Variants in ZNF569 observed in about 807,000 individuals in gnomAD.
ZNF569 encodes DNA-binding protein.
Under a neutral mutation model 56.3 loss-of-function variants are expected in ZNF569, and 38 were observed. The ratio of observed to expected loss-of-function variants is 0.68; its 90% CI spans 0.52 to 0.88. The LOEUF (loss-of-function observed/expected upper bound fraction) is 0.88, where lower values mean the gene tolerates loss of function less well. Among genes scored for constraint, ZNF569 ranks in the 40% least tolerant of loss-of-function variants. The pLI is 0.00. For synonymous variants in ZNF569, 241 were observed against 262.9 expected (o/e 0.92, Z 0.81); for missense variants, 666 against 809.2 (o/e 0.82, Z 2.15).
intron 2 of ZNF569, among the ~76,000 whole-genome samples, chr19:37,450,489 G>C (rs2041574254): frequency 6.6e-6 from 1 of 152,118 alleles, no homozygotes; most frequent in South Asian, 2.1e-4. Context: ...TGTGGCATCA[G>C]TTGTATTGTC....
intron 2 of ZNF569, among the ~76,000 whole-genome samples, chr19:37,458,209 G>C (rs553528205): frequency 6.6e-5 from 10 of 152,228 alleles, no homozygotes; most frequent in South Asian, 2.1e-4. Context: ...TTTTTAAAAA[G>C]TGTATTTTAT....
chr19:37,451,998 T>C (rs936148605), intron 2 of ZNF569, among the ~76,000 whole-genome samples: 1 of 152,230 alleles, frequency 6.6e-6, no homozygotes, highest in Admixed American at 6.5e-5. Flanking sequence ...TCTTCCTTCA[T>C]CTCTTCTCTC....
At chr19:37,458,444 C>G (rs186194127) in intron 2 of ZNF569, among the ~76,000 whole-genome samples, 290 of 152,342 alleles carry the variant, frequency 1.9e-3, no homozygotes, top group African/African-American at 6.7e-3. Flanking sequence ...AAAACTATCT[C>G]TTGATTGCTG....
intron 2 of ZNF569, among the ~76,000 whole-genome samples, chr19:37,447,348 T>C (rs977259347): frequency 6.6e-6 from 1 of 152,100 alleles, no homozygotes; most frequent in Non-Finnish European, 1.5e-5. Flanking sequence ...AGCCTATATA[T>C]AAAAAGGAAC....
chr19:37,419,281 C>T (rs189446991), intron 5 of ZNF569, among the ~76,000 whole-genome samples: 12 of 152,000 alleles, frequency 7.9e-5, no homozygotes, highest in Admixed American at 4.6e-4. Flanking sequence ...TATATTACAA[C>T]GAATATACAA....
At chr19:37,459,598 A>G (rs2041726547) in intron 2 of ZNF569, among the ~76,000 whole-genome samples, 1 of 152,224 alleles carries the variant, frequency 6.6e-6, no homozygotes, top group South Asian at 2.1e-4. Flanking sequence ...GAAAAACAAT[A>G]TAGGTCAGAA....
At chr19:37,461,981 T>C (rs2041764061) in intron 2 of ZNF569, among the ~76,000 whole-genome samples, 1 of 152,212 alleles carries the variant, frequency 6.6e-6, no homozygotes, top group Admixed American at 6.5e-5. Context: ...AGTGGGTCTT[T>C]GATGGTGCCT....
chr19:37,431,871 T>C (rs979740074), intron 3 of ZNF569, among the ~76,000 whole-genome samples: 2 of 152,100 alleles, frequency 1.3e-5, no homozygotes, highest in Admixed American at 6.5e-5. Context: ...GGGCCTGGAA[T>C]GAACACTGGC....
chr19:37,434,805 G>A (rs2146913879), intron 3 of ZNF569, among the ~76,000 whole-genome samples: 1 of 152,102 alleles, frequency 6.6e-6, no homozygotes, highest in East Asian at 1.9e-4. Flanking sequence ...CCCCACCCTT[G>A]AGAATGTACT....
intron 2 of ZNF569, among the ~76,000 whole-genome samples, chr19:37,449,112 T>C (rs2041549748): frequency 6.6e-6 from 1 of 152,220 alleles, no homozygotes; most frequent in Non-Finnish European, 1.5e-5. Flanking sequence ...CATTTTGAAA[T>C]ATTTGGAGAT....
chr19:37,412,969 T>C lies in ZNF569; in HGVS notation c.1689A>G (p.Ser563=), dbSNP rs772699749. 3.1e-6 allele frequency: 5 copies of C among 1,613,740 alleles called. No individual in the cohort carries two copies. In the Admixed American group the frequency reaches 6.7e-5, roughly 22 times the overall value. ...DKCGKAFSQC[S]LLNLHMRSHT... is the part of the protein sequence containing the mutation. ...GACTTCTCATATGTAAATTAAGCAG[T>C]GAGCACTGAGAGAAGGCTTTACCAC... Residue 563 remains serine (S), a synonymous_variant, in exon 6 of 6, where the codon TCA becomes TCG. Transcript: ENST00000316950.
intron 2 of ZNF569, among the ~76,000 whole-genome samples, chr19:37,457,343 C>A (rs901908494): frequency 6.6e-6 from 1 of 152,084 alleles, no homozygotes; most frequent in Non-Finnish European, 1.5e-5. Flanking sequence ...AAGTAACACT[C>A]CCCTGTTTAA....
chr19:37,425,305 C>T (rs1167068355), intron 5 of ZNF569, among the ~76,000 whole-genome samples: 2 of 150,544 alleles, frequency 1.3e-5, no homozygotes, highest in African/African-American at 4.9e-5. Context: ...GCGTATGCCA[C>T]CACACGTGGC....
In ZNF569 at chr19:37,463,335, C is replaced by G. The variant is rs778846609; in HGVS notation, c.-44+1978G>C. Among the ~76,000 whole-genome samples, 44 of 152,292 alleles carry G rather than the reference C, an allele frequency of 2.9e-4. 1 individual carries two copies. The highest frequency in any genetic ancestry group is 5.2e-4 in the Admixed American group (8 of 15,296). ...CTAAAAAATTCCTATCACCTAGTGA[C>G]ATCATAGCCATCATAACATCGTAAC... is the stretch of plus-strand genomic sequence containing the variant. On this transcript the variant is annotated intron_variant, in intron 2 of 5. Transcript: ENST00000316950.
intron 2 of ZNF569, among the ~76,000 whole-genome samples, chr19:37,458,831 T>C (rs948983152): frequency 6.6e-6 from 1 of 152,168 alleles, no homozygotes; most frequent in Non-Finnish European, 1.5e-5. Flanking sequence ...ATGCGAACTA[T>C]AAGAAAGAAT....
Position 37,413,817 on chromosome 19 carries a change from G to A in ZNF569, c.841C>T (p.Gln281Ter). Residue 281 changes from glutamine to a stop codon, truncating the protein, a stop_gained, in exon 6 of 6, where the codon CAG becomes TAG. Transcript: ENST00000316950. LOFTEE classifies it high-confidence loss of function. ...TCATGATCAATAAGATTTGATTTCTGGCTGAAGGACTTCTCACATTCCTTA... is the reference window on the plus strand; with the variant it reads ...TCATGATCAATAAGATTTGATTTCTAGCTGAAGGACTTCTCACATTCCTTA... The part of the protein sequence containing the change: ...ACKECEKSFS[Q>*]KSNLIDHEKI... 1 of 1,613,516 alleles carries A rather than the reference G, an allele frequency of 6.2e-7. No individual in the cohort carries two copies. Among genetic ancestry groups the A allele is most frequent in the Non-Finnish European group, 8.5e-7 (1 of 1,179,906 alleles).
chr19:37,420,694 G>A (rs902149501), intron 5 of ZNF569, among the ~76,000 whole-genome samples: 19 of 152,124 alleles, frequency 1.2e-4, no homozygotes, highest in Non-Finnish European at 2.2e-4. Flanking sequence ...TCATCCATGA[G>A]TGTCGAATGA....
chr19:37,432,209 T>G (rs988607597), intron 3 of ZNF569, among the ~76,000 whole-genome samples: 2 of 152,174 alleles, frequency 1.3e-5, no homozygotes, highest in African/African-American at 4.8e-5. Context: ...GTGGTTACTG[T>G]GGGCCTTGGG....
intron 5 of ZNF569, chr19:37,425,601 G>A (rs1441379239): frequency 1.3e-5 from 3 of 223,420 alleles, no homozygotes; most frequent in African/African-American, 2.3e-5. Context: ...GATTACAGGC[G>A]CAAGCCACTG....
Sources: allele counts gnomAD v4.1 joint callset (sites outside exome capture counted in the v4.1 genomes callset), GRCh38; gene constraint gnomAD v4.1.1; transcripts MANE v1.5; gene names NCBI Gene and HGNC (gene_info 2026-07-23, HGNC 2026-07-21).